Variants in FHIT observed in about 807,000 individuals in gnomAD.
FHIT encodes bis(5'-adenosyl)-triphosphatase.
Under a neutral mutation model 17.9 loss-of-function variants are expected in FHIT, and 19 were observed. That is an observed-to-expected ratio of 1.06 (90% CI 0.74 to 1.56). FHIT has a LOEUF of 1.56. Among genes scored for constraint, FHIT ranks in the 40% most tolerant of loss-of-function variants. The probability of loss-of-function intolerance (pLI) is 0.00; values close to 1 mark genes in which losing one functional copy is unlikely to be tolerated. For synonymous variants in FHIT, 81 were observed against 69.7 expected (o/e 1.16, Z -0.81); for missense variants, 248 against 189.2 (o/e 1.31, Z -1.82).
At chr3:61,118,828 A>G (rs887214080) in intron 2 of FHIT, among the ~76,000 whole-genome samples, 37 of 152,146 alleles carry the variant, frequency 2.4e-4, no homozygotes, top group African/African-American at 8.7e-4. Flanking sequence ...ATTAATTAGC[A>G]TTATCATGAT....
intron 5 of FHIT, among the ~76,000 whole-genome samples, chr3:60,130,890 C>T (rs1258545660): frequency 1.0e-5 from 1 of 99,042 alleles, no homozygotes; most frequent in African/African-American, 4.2e-5. Flanking sequence ...TGTATATACA[C>T]ACATACACAT....
chr3:60,143,342 A>AG lies in FHIT; in HGVS notation c.104-129191_104-129190insC, dbSNP rs547329438. On this transcript the variant is annotated intron_variant, in intron 5 of 9. Transcript: ENST00000492590. ...AGGCCCTGATATATGGGGAGAAGTG[A>AG]CAGTGCATCTTCACTCAGTTCTCAC... Among the ~76,000 whole-genome samples, 246 of 152,252 alleles carry AG rather than the reference A, an allele frequency of 1.6e-3. 2 individuals carry two copies. Among genetic ancestry groups the AG allele is most frequent in the African/African-American group, 5.8e-3 (239 of 41,548 alleles).
At chr3:59,955,455 T>A (rs75345855) in intron 7 of FHIT, among the ~76,000 whole-genome samples, 6 of 152,202 alleles carry the variant, frequency 3.9e-5, no homozygotes, top group Non-Finnish European at 8.8e-5. Flanking sequence ...ACTTTTCTCA[T>A]TGAACCCATT....
intron 5 of FHIT, among the ~76,000 whole-genome samples, chr3:60,493,583 C>T (rs1183399657): frequency 6.6e-6 from 1 of 152,142 alleles, no homozygotes; most frequent in Non-Finnish European, 1.5e-5. Context: ...CCTTCAACAT[C>T]ATGATATTAA....
intron 5 of FHIT, among the ~76,000 whole-genome samples, chr3:60,379,773 C>A (rs992312372): frequency 6.6e-6 from 1 of 152,050 alleles, no homozygotes; most frequent in Non-Finnish European, 1.5e-5. Flanking sequence ...TTTCAGAACA[C>A]CTGGTATAGG....
At chr3:60,249,566 C>A (rs376882273) in intron 5 of FHIT, among the ~76,000 whole-genome samples, 2 of 152,016 alleles carry the variant, frequency 1.3e-5, no homozygotes, top group Non-Finnish European at 2.9e-5. Context: ...TCAGAAGAGC[C>A]TTTCCATTTT....
intron 3 of FHIT, among the ~76,000 whole-genome samples, chr3:60,885,664 C>T (rs1002943360): frequency 2.0e-5 from 3 of 152,146 alleles, no homozygotes; most frequent in Non-Finnish European, 4.4e-5. Context: ...ACCTCACTAC[C>T]CCAGTCACTT....
intron 3 of FHIT, among the ~76,000 whole-genome samples, chr3:60,914,875 G>A (rs1706924006): frequency 6.6e-6 from 1 of 152,188 alleles, no homozygotes; most frequent in Non-Finnish European, 1.5e-5. Context: ...TATTCATTGT[G>A]TAGGAACTAA....
intron 5 of FHIT, among the ~76,000 whole-genome samples, chr3:60,206,169 A>AT (rs1420456801): frequency 0.043 from 5,839 of 136,764 alleles, 213 homozygotes; most frequent in African/African-American, 0.1. Context: ...AATAATAATA[A>AT]TAATTATAAC....
At chr3:60,339,829 A>T (rs1710428468) in intron 5 of FHIT, among the ~76,000 whole-genome samples, 1 of 152,044 alleles carries the variant, frequency 6.6e-6, no homozygotes, top group African/African-American at 2.4e-5. Context: ...CCATGTTCTC[A>T]CCTTGTTGCT....
At chr3:59,753,128 C>T (rs116010987) in intron 8 of FHIT, among the ~76,000 whole-genome samples, 2,265 of 152,256 alleles carry the variant, frequency 0.015, 47 homozygotes, top group African/African-American at 0.049. Flanking sequence ...CTCCTACTCT[C>T]TTTGGTTTAG....
intron 5 of FHIT, among the ~76,000 whole-genome samples, chr3:60,451,586 G>A (rs1171106183): frequency 6.6e-6 from 1 of 152,004 alleles, no homozygotes. Flanking sequence ...ATTTCATAAA[G>A]GATATTAAAT....
At chr3:60,826,787 AACAC>A (rs1702139037) in intron 3 of FHIT, among the ~76,000 whole-genome samples, 2 of 147,060 alleles carry the variant, frequency 1.4e-5, no homozygotes, top group Non-Finnish European at 3.1e-5. Context: ...AGGACACAGG[AACAC>A]ACATTTACAG....
chr3:59,793,564 C>A (rs544890330), intron 8 of FHIT, among the ~76,000 whole-genome samples: 2 of 152,216 alleles, frequency 1.3e-5, no homozygotes, highest in East Asian at 3.9e-4. Context: ...TCCCCCTCTT[C>A]CCCTCTCGCA....
At chr3:59,974,779 G>T (rs572022406) in intron 7 of FHIT, among the ~76,000 whole-genome samples, 4 of 152,176 alleles carry the variant, frequency 2.6e-5, no homozygotes, top group Admixed American at 2.6e-4. Context: ...ATGTTGCAAA[G>T]CTACCTAATA....
At chr3:60,993,051 G>A (rs1371606026) in intron 3 of FHIT, among the ~76,000 whole-genome samples, 1 of 152,128 alleles carries the variant, frequency 6.6e-6, no homozygotes, top group Non-Finnish European at 1.5e-5. Context: ...AATGTGCCCA[G>A]GGCAGATTTT....
intron 5 of FHIT, among the ~76,000 whole-genome samples, chr3:60,526,733 A>G (rs1337332274): frequency 6.6e-6 from 1 of 151,992 alleles, no homozygotes; most frequent in African/African-American, 2.4e-5. Flanking sequence ...AGCTCTCCAA[A>G]AGCAATTGTA....
intron 5 of FHIT, among the ~76,000 whole-genome samples, chr3:60,432,378 A>G (rs998326679): frequency 1.3e-5 from 2 of 152,096 alleles, no homozygotes; most frequent in African/African-American, 4.8e-5. Flanking sequence ...TAATCTAGAT[A>G]GCTACTACAA....
intron 5 of FHIT, among the ~76,000 whole-genome samples, chr3:60,421,064 G>A (rs997294786): frequency 6.8e-6 from 1 of 146,854 alleles, no homozygotes; most frequent in Admixed American, 6.8e-5. Context: ...AGAGAATAAA[G>A]CTTTGGCCGA....
Sources: gnomAD v4.1 joint callset for allele counts (sites outside exome capture counted in the v4.1 genomes callset) on GRCh38, gnomAD v4.1.1 for gene constraint, MANE v1.5 for transcripts, NCBI Gene and HGNC (gene_info 2026-07-23, HGNC 2026-07-21) for gene names.